The following ITIH4 variants were observed in gnomAD, a reference collection of about 807,000 sequenced individuals.
ITIH4 encodes the protein inter-alpha-trypsin inhibitor heavy chain H4.
Under a neutral mutation model 111.8 loss-of-function variants are expected in ITIH4, and 79 were observed. The observed-to-expected ratio is 0.71, with a 90% CI of 0.59 to 0.85. The LOEUF (loss-of-function observed/expected upper bound fraction) is 0.85. ITIH4 is among the 40% of genes least tolerant of loss of function. ITIH4 has a pLI of 0.00. For synonymous variants in ITIH4, 472 were observed against 468.3 expected, an observed-to-expected ratio of 1.01 and a Z score of -0.10; for missense variants, 1,065 against 1,195.8, an observed-to-expected ratio of 0.89 and a Z score of 1.61.
In ITIH4 at chr3:52,830,611, C is replaced by T. The variant is rs770919884; in HGVS notation, c.32G>A (p.Ser11Asn). 2 of 1,614,004 alleles carry T rather than the reference C, an allele frequency of 1.2e-6. No individual in the cohort carries two copies. The highest frequency in any genetic ancestry group is 1.7e-6 in the Non-Finnish European group (2 of 1,179,890). Residue 11 changes from serine (S) to asparagine (N), a missense_variant, in exon 1 of 24, where the codon AGC (serine) becomes AAC (asparagine). By Grantham distance (46) the Ser-to-Asn change is conservative. Coordinates refer to ENST00000266041, the MANE Select transcript of ITIH4 (RefSeq NM_002218.5). ...CAGTGAAAGCAGGACGAGAACTTTG[C>T]TGCAGGTACGGACAGGCCTTGGGGG... MKPPRPVRTCSKVLVLLSLLA... is the reference protein window; with the variant it reads MKPPRPVRTCNKVLVLLSLLA...
At chr3:52,817,387 C>T (rs906785118) in intron 20 of ITIH4, among the ~76,000 whole-genome samples, 1 of 152,206 alleles carries the variant, frequency 6.6e-6, no homozygotes, top group Non-Finnish European at 1.5e-5. Flanking sequence ...CTAGATGCCG[C>T]GGCCAAGGGT....
At chr3:52,820,344 G>A (rs1700358268) in intron 13 of ITIH4, 27 bp from the exon 14 acceptor site, 2 of 1,600,684 alleles carry the variant, frequency 1.2e-6, no homozygotes, top group Non-Finnish European at 1.7e-6. Context: ...GAGAGAGAGA[G>A]ACAGACAGAC....
chr3:52,823,432 G>T, intron 11 of ITIH4, 124 bp downstream of exon 11: 1 of 733,506 alleles, frequency 1.4e-6, no homozygotes, highest in Non-Finnish European at 2.2e-6. Context: ...CCATGCCCCT[G>T]TGTCATCCAC....
chr3:52,820,758 C>T lies in ITIH4; in HGVS notation c.1707G>A (p.Gln569=). The T allele has an allele frequency of 1.2e-6, 2 of 1,613,608 alleles. No individual in the cohort carries two copies. The highest frequency in any genetic ancestry group is 1.7e-6 in the Non-Finnish European group (2 of 1,179,758). The change falls in exon 13 of 24, where the codon CAG becomes CAA. Residue 569 remains glutamine, a synonymous_variant. Coordinates refer to ENST00000266041, the MANE Select transcript of ITIH4 (RefSeq NM_002218.5). ...AATTCAGCGCTTGGTTCCGGAGGGC[C>T]TGCTGATCAGCATCGGATGCGGAGA... ...QTVSASDADQ[Q]ALRNQALNLS...
At chr3:52,822,513 T>TG (rs1700402506) in intron 11 of ITIH4, among the ~76,000 whole-genome samples, 4 of 152,210 alleles carry the variant, frequency 2.6e-5, no homozygotes, top group Admixed American at 2.0e-4. Context: ...AATCACCTGC[T>TG]GACATGTATG....
intron 21 of ITIH4, among the ~76,000 whole-genome samples, chr3:52,816,106 G>A (rs60323677): frequency 2.0e-5 from 3 of 152,240 alleles, no homozygotes; most frequent in African/African-American, 7.2e-5. Context: ...GCTGGACAAG[G>A]CTCTCCATAC....
rs1700482040 is a variant in ITIH4, at chr3:52,826,584, T to C, written c.587A>G (p.Asn196Ser). 6.2e-7 allele frequency: 1 copy of C among 1,614,108 alleles called. No individual in the cohort carries two copies. Residue 196 changes from asparagine to serine, a missense_variant, in exon 5 of 24, where the codon AAC becomes AGC. Coordinates refer to ENST00000266041, the MANE Select transcript of ITIH4 (RefSeq NM_002218.5). Reference sequence around the variant, plus strand: ...GGTGGTGAGGGCGTCTACCAGCTGGTTGGTCATGAAGGTGCTCTCTGTCTC... The same window carrying C: ...GGTGGTGAGGGCGTCTACCAGCTGGCTGGTCATGAAGGTGCTCTCTGTCTC... ...FLETESTFMTNQLVDALTTWQ... is the reference protein window; with the variant it reads ...FLETESTFMTSQLVDALTTWQ...
intron 1 of ITIH4, chr3:52,830,119 T>C (rs4687554): frequency 0.23 from 80,462 of 346,970 alleles, 10,272 homozygotes; most frequent in Admixed American, 0.39. Context: ...AAGCACTTCA[T>C]AGATACAATG....
rs141154056 is a variant in ITIH4, at chr3:52,823,924, C to T, written c.1252G>A (p.Gly418Ser). ...AGGAAGGCATAGCTGACGTCGAAACCGAAGCCCAGGCAGAAGAGGCTGTAC... is the reference window on the plus strand; with the variant it reads ...AGGAAGGCATAGCTGACGTCGAAACTGAAGCCCAGGCAGAAGAGGCTGTAC... ...GRYSLFCLGF[G>S]FDVSYAFLEK... Residue 418 changes from glycine to serine, a missense_variant, in exon 10 of 24, where the codon GGT (glycine) becomes AGT (serine). By Grantham distance (56) the Gly-to-Ser change is moderately conservative. Coordinates refer to ENST00000266041, the MANE Select transcript of ITIH4 (RefSeq NM_002218.5). 2,249 of 1,609,748 alleles carry T rather than the reference C, an allele frequency of 1.4e-3. 3 individuals carry two copies. The highest frequency in any genetic ancestry group is 1.7e-3 in the Non-Finnish European group (2,040 of 1,178,144).
chr3:52,815,764 C>T (rs1170684375), intron 21 of ITIH4, among the ~76,000 whole-genome samples: 1 of 151,872 alleles, frequency 6.6e-6, no homozygotes, highest in East Asian at 1.9e-4. Context: ...GTTAACTCAG[C>T]TCACTGCAAC....
rs778042451 is a variant in ITIH4, at chr3:52,818,519, G to A, written c.2095C>T (p.Pro699Ser). 24 of 1,605,542 alleles carry A rather than the reference G, an allele frequency of 1.5e-5. No homozygotes were observed. Among genetic ancestry groups the A allele is most frequent in the Non-Finnish European group, 2.0e-5 (23 of 1,175,940 alleles). The change falls in exon 18 of 24, where the codon CCA (proline) becomes TCA (serine). Residue 699 changes from proline (P) to serine (S), a missense_variant. Coordinates refer to ENST00000266041, the MANE Select transcript of ITIH4 (RefSeq NM_002218.5). ...GCTGGATCAGGATTTGAGGTGGCTG[G>A]TGGTGCTGAAGCAGGCACTAGGGCA... ...RLAILPASAP[P>S]ATSNPDPAVS...
Position 52,826,950 on chromosome 3 carries a change from G to A in ITIH4, c.360C>T (p.Ala120=), listed in dbSNP as rs945758256. The part of the protein sequence containing the change: ...AKGKSAGLVK[A]TGRNMEQFQV... ...GGAACTGCTCCATGTTTCTCCCGGT[G>A]GCCCTGGGGGAGAAGGGCATCAGGC... Residue 120 remains alanine (A), a synonymous_variant, in exon 4 of 24, where the codon GCC becomes GCT. Coordinates refer to ENST00000266041, the MANE Select transcript of ITIH4 (RefSeq NM_002218.5). 1.2e-6 allele frequency: 2 copies of A among 1,613,968 alleles called. No individual in the cohort carries two copies. The highest frequency in any genetic ancestry group is 2.7e-5 in the African/African-American group (2 of 74,916).
At position 52,818,680 on chromosome 3, in the gene ITIH4, C is replaced by T. The variant is rs569964001; in HGVS notation, c.2078-144G>A. 1.3e-4 allele frequency: 87 copies of T among 684,784 alleles called. No homozygotes were observed. The South Asian group carries it at 1.4e-3, about 11-fold the overall frequency. 42.4% of individuals were successfully genotyped at this position (684,784 alleles called of 1,614,324 possible). On this transcript the variant is annotated intron_variant, in intron 17 of 23. Coordinates refer to ENST00000266041, the MANE Select transcript of ITIH4 (RefSeq NM_002218.5). ...AATGGCCTTTGTCACAGGAGATTTTCAAACAGAAGAGCATGCTGTCAGGGA... is the reference window on the plus strand; with the variant it reads ...AATGGCCTTTGTCACAGGAGATTTTTAAACAGAAGAGCATGCTGTCAGGGA...
chr3:52,819,352 G>A (rs41275521), intron 17 of ITIH4, 41 bp downstream of exon 17: 24,611 of 1,612,324 alleles, frequency 0.015, 262 homozygotes, highest in Non-Finnish European at 0.019. Flanking sequence ...AAGGACCACC[G>A]TGGGAAACCG....
chr3:52,822,276 G>T (rs1318365349), intron 11 of ITIH4: 2 of 152,082 alleles, frequency 1.3e-5, no homozygotes, highest in African/African-American at 4.8e-5. Context: ...CTGGGAGGTG[G>T]AGCTTGCAAT....
chr3:52,814,128 C>G, intron 22 of ITIH4, 57 bp from the exon 23 acceptor site: 4 of 1,606,052 alleles, frequency 2.5e-6, no homozygotes, highest in Non-Finnish European at 3.4e-6. Context: ...CTGGGAGACA[C>G]ACGCAGGGGA....
Position 52,823,741 on chromosome 3 carries a change from C to T in ITIH4, c.1354G>A (p.Asp452Asn), listed in dbSNP as rs1343336434. The T allele has an allele frequency of 1.2e-6, 2 of 1,614,032 alleles. No homozygotes were observed. Among genetic ancestry groups the T allele is most frequent in the Non-Finnish European group, 1.7e-6 (2 of 1,180,028 alleles). The change falls in exon 11 of 24, where the codon GAC becomes AAC. Residue 452 changes from aspartate (D) to asparagine (N), a missense_variant and splice_region_variant. Coordinates refer to ENST00000266041, the MANE Select transcript of ITIH4 (RefSeq NM_002218.5). ...GGGTTGGCCACTTCCTGGTAGAAGT[C>T]CTGCAGGGTTGGGGGTGTCATAAAG... Reference protein sequence around the residue: ...EDSDSALQLQDFYQEVANPLL... With the variant: ...EDSDSALQLQNFYQEVANPLL...
chr3:52,819,688 A>G (rs1381912730), intron 16 of ITIH4, 66 bp downstream of exon 16: 3 of 1,586,584 alleles, frequency 1.9e-6, no homozygotes, highest in Non-Finnish European at 2.6e-6. Flanking sequence ...ATGAACAATA[A>G]TGGACCTCCC....
chr3:52,819,836 G>A (rs779091083), intron 15 of ITIH4, 44 bp from the exon 16 acceptor site: 15 of 1,610,504 alleles, frequency 9.3e-6, no homozygotes, highest in African/African-American at 1.3e-5. Flanking sequence ...ACTGAGGCCC[G>A]AGGGCTGTCA....
Sources: gnomAD v4.1 joint callset for allele counts (sites outside exome capture counted in the v4.1 genomes callset) on GRCh38, gnomAD v4.1.1 for gene constraint, MANE v1.5 for transcripts, NCBI Gene and HGNC (gene_info 2026-07-23, HGNC 2026-07-21) for gene names.